CAPN13: variants seen among roughly 807,000 people sequenced by gnomAD.
The protein encoded by CAPN13 is calpain-13.
Under a neutral mutation model 98.4 loss-of-function variants are expected in CAPN13, and 90 were observed. The ratio of observed to expected loss-of-function variants is 0.92; its 90% CI spans 0.77 to 1.09. The LOEUF is 1.09. Among genes scored for constraint, CAPN13 ranks in the 50% least tolerant of loss-of-function variants. The probability of loss-of-function intolerance (pLI) is 0.00; values close to 1 mark genes in which losing one functional copy is unlikely to be tolerated. For missense variants in CAPN13, 887 were observed against 841.3 expected (o/e 1.05, Z -0.67); for synonymous variants, 330 against 305.5 (o/e 1.08, Z -0.84).
chr2:30,758,286 A>T, intron 7 of CAPN13, 149 bp from the exon 8 acceptor site: 1 of 602,850 alleles, frequency 1.7e-6, no homozygotes. Context: ...AAGGGAAAAA[A>T]AAATCAATGT....
intron 20 of CAPN13, 97 bp downstream of exon 20, chr2:30,732,341 C>T (rs1671144481): frequency 6.6e-7 from 1 of 1,510,078 alleles, no homozygotes; most frequent in South Asian, 1.2e-5. Context: ...CTGCTGAGGC[C>T]TCACGCAGAC....
chr2:30,739,584 A>G (rs1003025898), intron 15 of CAPN13, among the ~76,000 whole-genome samples: 5 of 152,098 alleles, frequency 3.3e-5, no homozygotes, highest in Non-Finnish European at 7.4e-5. Context: ...AGTGCCCACT[A>G]TCAACTGAGT....
At position 30,736,484 on chromosome 2, in the gene CAPN13, A is replaced by C. The variant is rs1158716215; in HGVS notation, c.1722+19T>G. ...ACTGGACAGAATGAGAGTGCTAGTC[A>C]CAGAGAATGTGCCCGTACCTGGTAG... On this transcript the variant is annotated intron_variant, in intron 18 of 22. Coordinates refer to ENST00000295055, the MANE Select transcript of CAPN13 (RefSeq NM_144575.3). 2.5e-6 allele frequency: 4 copies of C among 1,613,008 alleles called. No homozygotes were observed. The highest frequency in any genetic ancestry group is 3.4e-6 in the Non-Finnish European group (4 of 1,179,102).
chr2:30,738,366 G>A (rs1290973305), intron 16 of CAPN13, 34 bp downstream of exon 16: 1 of 1,612,014 alleles, frequency 6.2e-7, no homozygotes, highest in Non-Finnish European at 8.5e-7. Context: ...GCAGGGAGGA[G>A]GATGGGGCCA....
intron 8 of CAPN13, among the ~76,000 whole-genome samples, chr2:30,756,676 G>C (rs1049815866): frequency 2.0e-5 from 3 of 152,164 alleles, no homozygotes; most frequent in Non-Finnish European, 4.4e-5. Context: ...AGTAATGACT[G>C]GGAAGGAGAA....
chr2:30,731,432 G>A, intron 20 of CAPN13, 33 bp from the exon 21 acceptor site: 2 of 1,588,398 alleles, frequency 1.3e-6, no homozygotes, highest in Non-Finnish European at 1.7e-6. Context: ...TTGACTGACT[G>A]AGGAGGAAGG....
intron 15 of CAPN13, 30 bp from the exon 16 acceptor site, chr2:30,738,487 TTA>T: frequency 6.3e-7 from 1 of 1,583,810 alleles, no homozygotes; most frequent in Non-Finnish European, 8.6e-7. Flanking sequence ...AATGCAGGAA[TTA>T]TATCAGTGCC....
intron 2 of CAPN13, among the ~76,000 whole-genome samples, chr2:30,785,395 T>G (rs2148069673): frequency 6.6e-6 from 1 of 152,290 alleles, no homozygotes; most frequent in East Asian, 1.9e-4. Context: ...TCTTGTCAAC[T>G]GTGATAAGAA....
intron 7 of CAPN13, among the ~76,000 whole-genome samples, chr2:30,758,606 G>A (rs1337825858): frequency 6.6e-6 from 1 of 152,172 alleles, no homozygotes; most frequent in Non-Finnish European, 1.5e-5. Flanking sequence ...CGTGAGTGAG[G>A]AGGGTAGAGG....
intron 11 of CAPN13, among the ~76,000 whole-genome samples, chr2:30,748,022 CT>C (rs1165656601): frequency 6.6e-6 from 1 of 152,214 alleles, no homozygotes; most frequent in East Asian, 1.9e-4. Flanking sequence ...ACTGTGAAGA[CT>C]TTGGGTGAAT....
At chr2:30,748,214 G>T (rs987458451) in intron 11 of CAPN13, among the ~76,000 whole-genome samples, 3 of 152,190 alleles carry the variant, frequency 2.0e-5, no homozygotes, top group African/African-American at 7.2e-5. Flanking sequence ...CAGACCAGGG[G>T]CCTCAGTTCC....
intron 1 of CAPN13, among the ~76,000 whole-genome samples, chr2:30,803,483 C>A (rs1292740767): frequency 6.6e-6 from 1 of 152,156 alleles, no homozygotes; most frequent in Non-Finnish European, 1.5e-5. Context: ...AGAGTGCTGC[C>A]AGAGGGACCA....
At chr2:30,797,367 C>G (rs1484290783) in intron 1 of CAPN13, among the ~76,000 whole-genome samples, 1 of 152,188 alleles carries the variant, frequency 6.6e-6, no homozygotes, top group East Asian at 1.9e-4. Flanking sequence ...CAGCATGGAA[C>G]AGTGCTCACA....
chr2:30,733,610 C>T (rs1671210671), intron 19 of CAPN13, among the ~76,000 whole-genome samples: 2 of 152,006 alleles, frequency 1.3e-5, no homozygotes, highest in South Asian at 4.2e-4. Flanking sequence ...GTGCAGCAAT[C>T]TGTGCTTTAA....
intron 22 of CAPN13, among the ~76,000 whole-genome samples, chr2:30,725,035 C>A (rs1670808906): frequency 6.6e-6 from 1 of 152,094 alleles, no homozygotes; most frequent in Non-Finnish European, 1.5e-5. Context: ...TTATAAATGA[C>A]AATTTTGTTA....
rs768575518 is a variant in CAPN13, at chr2:30,751,053, G to A, written c.1236+50C>T. On this transcript the variant is annotated intron_variant, in intron 11 of 22. Coordinates refer to ENST00000295055, the MANE Select transcript of CAPN13 (RefSeq NM_144575.3). ...GCCAGAGCTGTTCTCCCCAACTCAAGGTTTACACTAAATTTCTACAAGGGA... is the reference window on the plus strand; with the variant it reads ...GCCAGAGCTGTTCTCCCCAACTCAAAGTTTACACTAAATTTCTACAAGGGA... 9.4e-6 allele frequency: 15 copies of A among 1,595,288 alleles called. No individual in the cohort carries two copies. The East Asian group carries it at 3.2e-4, about 34-fold the overall frequency.
chr2:30,786,977 G>T, intron 2 of CAPN13, 151 bp downstream of exon 2: 1 of 632,294 alleles, frequency 1.6e-6, no homozygotes, highest in Non-Finnish European at 2.7e-6. Flanking sequence ...TTCCCATCCT[G>T]CTGAGTAGCT....
chr2:30,750,725 G>T (rs534331591), intron 11 of CAPN13, among the ~76,000 whole-genome samples: 184 of 152,332 alleles, frequency 1.2e-3, no homozygotes, highest in African/African-American at 4.4e-3. Context: ...TGAAAATGCA[G>T]ATTTTCAGGC....
At chr2:30,797,857 A>C (rs150529998) in intron 1 of CAPN13, among the ~76,000 whole-genome samples, 166 of 152,362 alleles carry the variant, frequency 1.1e-3, no homozygotes, top group African/African-American at 3.4e-3. Flanking sequence ...ATCTGTCAGC[A>C]TCTCCAGCTG....
Sources: allele counts gnomAD v4.1 joint callset (sites outside exome capture counted in the v4.1 genomes callset), GRCh38; gene constraint gnomAD v4.1.1; transcripts MANE v1.5; gene names NCBI Gene and HGNC (gene_info 2026-07-23, HGNC 2026-07-21).